SH3PXD2B: variants seen among roughly 807,000 people sequenced by gnomAD.
The protein encoded by SH3PXD2B is SH3 and PX domain-containing protein 2B.
A neutral mutation model predicts 73.1 loss-of-function variants in SH3PXD2B; 37 were observed. The observed-to-expected ratio is 0.51, with a 90% confidence interval of 0.39 to 0.67. The LOEUF (loss-of-function observed/expected upper bound fraction) is 0.67, where lower values mean the gene tolerates loss of function less well. Among genes scored for constraint, SH3PXD2B ranks in the 30% least tolerant of loss-of-function variants. The pLI is 0.00. For synonymous variants in SH3PXD2B, 457 were observed against 480.5 expected, an observed-to-expected ratio of 0.95 and a Z score of 0.64; for missense variants, 1,053 against 1,197.8, an observed-to-expected ratio of 0.88 and a Z score of 1.78.
In SH3PXD2B at chr5:172,336,971, C is replaced by T; in HGVS notation, c.*1398G>A. ...GCACAGGAAGCAGCTCTGCCTGGCCCTTGGTTACCTGCCTCCCTATGGGAC... is the reference window on the plus strand; with the variant it reads ...GCACAGGAAGCAGCTCTGCCTGGCCTTTGGTTACCTGCCTCCCTATGGGAC... On this transcript the variant is annotated 3_prime_UTR_variant, in exon 13 of 13. Transcript: ENST00000311601. 1 of 985,546 alleles carries T rather than the reference C, an allele frequency of 1.0e-6. No homozygotes were observed. Among genetic ancestry groups the T allele is most frequent in the Non-Finnish European group, 1.2e-6 (1 of 829,984 alleles). 61.1% of individuals were successfully genotyped at this position (985,546 alleles called of 1,614,324 possible). A position where few individuals can be genotyped will look rare whatever the true frequency, so the allele number is the denominator to read the frequency against.
intron 10 of SH3PXD2B, among the ~76,000 whole-genome samples, chr5:172,348,677 ATCTAT>A (rs1561896806): frequency 3.8e-5 from 3 of 79,438 alleles, no homozygotes; most frequent in African/African-American, 1.1e-4. Flanking sequence ...CTATCTATCT[ATCTAT>A]CTATCTATCT....
chr5:172,409,666 T>C (rs1758645083), intron 2 of SH3PXD2B, among the ~76,000 whole-genome samples: 1 of 152,196 alleles, frequency 6.6e-6, no homozygotes, highest in African/African-American at 2.4e-5. Flanking sequence ...TTTTGATGGC[T>C]GAATAGTATT....
intron 2 of SH3PXD2B, among the ~76,000 whole-genome samples, chr5:172,416,252 T>C (rs1758817408): frequency 6.6e-6 from 1 of 151,642 alleles, no homozygotes; most frequent in Non-Finnish European, 1.5e-5. Flanking sequence ...CACTTGAACC[T>C]AGGAGTTTGG....
At chr5:172,340,327 G>A (rs548639913) in intron 12 of SH3PXD2B, among the ~76,000 whole-genome samples, 36 of 152,302 alleles carry the variant, frequency 2.4e-4, no homozygotes, top group Non-Finnish European at 4.6e-4. Flanking sequence ...CCTCAGAACG[G>A]GTCCCTCTGG....
At chr5:172,432,893 A>T (rs2113485900) in intron 1 of SH3PXD2B, among the ~76,000 whole-genome samples, 1 of 131,986 alleles carries the variant, frequency 7.6e-6, no homozygotes, top group East Asian at 2.6e-4. Flanking sequence ...CCTGGTCAAC[A>T]AGAGTGAAAC....
chr5:172,397,605 A>G (rs1758332800), intron 3 of SH3PXD2B, among the ~76,000 whole-genome samples: 1 of 152,150 alleles, frequency 6.6e-6, no homozygotes, highest in African/African-American at 2.4e-5. Context: ...TATTTCTCAG[A>G]CTGGCCGACA....
At chr5:172,364,694 C>A (rs201229126) in intron 6 of SH3PXD2B, among the ~76,000 whole-genome samples, 6,562 of 152,052 alleles carry the variant, frequency 0.043, 221 homozygotes, top group South Asian at 0.2. Context: ...ACCAAAAAAA[C>A]CAAACAAAAC....
chr5:172,411,112 G>A (rs1195056856), intron 2 of SH3PXD2B, among the ~76,000 whole-genome samples: 1 of 152,176 alleles, frequency 6.6e-6, no homozygotes, highest in Admixed American at 6.5e-5. Context: ...CAGCTGTGGA[G>A]TATGTTAGAG....
Position 172,357,709 on chromosome 5 carries a change from A to C in SH3PXD2B, c.667+1064T>G, listed in dbSNP as rs76704930. 1.2e-4 allele frequency among the ~76,000 whole-genome samples: 18 copies of C among 152,244 alleles called. 1 individual carries two copies. The East Asian group carries it at 2.1e-3, about 18-fold the overall frequency. On this transcript the variant is annotated intron_variant, in intron 8 of 12. Coordinates refer to ENST00000311601, the MANE Select transcript of SH3PXD2B (RefSeq NM_001017995.3). ...TGATGGTAACCCTGTGTTACCCCCC[A>C]CAGTGCCTGGCGGGCCTCACAAACA...
chr5:172,406,621 C>T lies in SH3PXD2B; in HGVS notation c.157-269G>A, dbSNP rs1166535400. ...CCCGGCTTTCCTGGGGTTCTCCATC[C>T]ACAGGATCTGAAACGTGAACAACAC... On this transcript the variant is annotated intron_variant, in intron 2 of 12. Transcript: ENST00000311601. Among the ~76,000 whole-genome samples, 52 of 152,074 alleles carry T rather than the reference C, an allele frequency of 3.4e-4. 1 individual carries two copies. Among genetic ancestry groups the T allele is most frequent in the Admixed American group, 3.4e-3 (52 of 15,266 alleles).
intron 1 of SH3PXD2B, among the ~76,000 whole-genome samples, chr5:172,436,156 A>G (rs73804843): frequency 0.083 from 12,571 of 152,218 alleles, 765 homozygotes; most frequent in South Asian, 0.2. Context: ...GGCCTCTTAC[A>G]TAAGAGACTT....
At chr5:172,374,825 ATAT>A (rs943789435) in intron 5 of SH3PXD2B, among the ~76,000 whole-genome samples, 1 of 152,180 alleles carries the variant, frequency 6.6e-6, no homozygotes, top group African/African-American at 2.4e-5. Flanking sequence ...GCATTAGCTA[ATAT>A]TATTAAATGG....
intron 1 of SH3PXD2B, among the ~76,000 whole-genome samples, chr5:172,437,430 A>C (rs2113495546): frequency 6.6e-6 from 1 of 152,284 alleles, no homozygotes; most frequent in East Asian, 1.9e-4. Flanking sequence ...GAAGGGGGAG[A>C]GGAGGAAACC....
At chr5:172,371,635 C>G (rs929248667) in intron 6 of SH3PXD2B, among the ~76,000 whole-genome samples, 1 of 152,166 alleles carries the variant, frequency 6.6e-6, no homozygotes, top group East Asian at 1.9e-4. Flanking sequence ...ATAAATAAAT[C>G]CATCCCCATC....
intron 1 of SH3PXD2B, among the ~76,000 whole-genome samples, chr5:172,424,553 T>C (rs1418551322): frequency 1.3e-5 from 2 of 152,168 alleles, no homozygotes; most frequent in Admixed American, 6.5e-5. Flanking sequence ...TATCATGGAC[T>C]TATAGGAGAA....
chr5:172,364,734 G>C (rs79052017), intron 6 of SH3PXD2B, among the ~76,000 whole-genome samples: 7,256 of 152,174 alleles, frequency 0.048, 232 homozygotes, highest in South Asian at 0.2. Flanking sequence ...AGCAGTGTGG[G>C]ACAGCCAGCG....
intron 5 of SH3PXD2B, among the ~76,000 whole-genome samples, chr5:172,377,585 G>GCTA (rs992042198): frequency 2.6e-5 from 4 of 152,154 alleles, no homozygotes; most frequent in African/African-American, 9.7e-5. Context: ...TGTGAGCCAG[G>GCTA]GTAGTGACGC....
At chr5:172,430,973 T>C (rs1759224895) in intron 1 of SH3PXD2B, among the ~76,000 whole-genome samples, 1 of 152,098 alleles carries the variant, frequency 6.6e-6, no homozygotes, top group Admixed American at 6.5e-5. Context: ...TTCAAGCGAT[T>C]CTCATTCTTC....
chr5:172,448,402 G>A (rs555555892), intron 1 of SH3PXD2B, among the ~76,000 whole-genome samples: 5 of 152,330 alleles, frequency 3.3e-5, no homozygotes, highest in African/African-American at 9.6e-5. Context: ...CCAGGCTGGA[G>A]TGAAGTGGCG....
Sources: gnomAD v4.1 joint callset for allele counts (sites outside exome capture counted in the v4.1 genomes callset) on GRCh38, gnomAD v4.1.1 for gene constraint, MANE v1.5 for transcripts, NCBI Gene and HGNC (gene_info 2026-07-23, HGNC 2026-07-21) for gene names.